Variants in HIF1A observed in about 807,000 individuals in gnomAD.
HIF1A encodes the protein hypoxia inducible factor 1 subunit alpha.
A neutral mutation model predicts 92.7 loss-of-function variants in HIF1A; 24 were observed. The observed-to-expected ratio is 0.26, with a 90% confidence interval of 0.19 to 0.36. HIF1A has a LOEUF of 0.36. HIF1A is among the 10% of genes least tolerant of loss of function. The pLI, the probability that HIF1A is intolerant of heterozygous loss-of-function variation, is 1.00. For missense variants in HIF1A, 799 were observed against 998.5 expected (o/e 0.80, Z 2.69); for synonymous variants, 319 against 338.7 (o/e 0.94, Z 0.64).
chr14:61,747,180 G>T lies in HIF1A; in HGVS notation c.*95G>T. 1 of 1,086,294 alleles carries T rather than the reference G, an allele frequency of 9.2e-7. No homozygotes were observed. Among genetic ancestry groups the T allele is most frequent in the Non-Finnish European group, 1.3e-6 (1 of 762,082 alleles). The allele number at this position is 1,086,294 out of a possible 1,614,324, so 67.3% of individuals were successfully genotyped here. On this transcript the variant is annotated 3_prime_UTR_variant, in exon 15 of 15. Coordinates refer to ENST00000337138, the MANE Select transcript of HIF1A (RefSeq NM_001530.4). ...TTCTACATCTAATTTTAGAAGCCTG[G>T]CTACAATACTGCACAAACTTGGTTA...
intron 7 of HIF1A, among the ~76,000 whole-genome samples, chr14:61,732,931 A>G (rs913968050): frequency 2.0e-5 from 3 of 152,218 alleles, no homozygotes; most frequent in South Asian, 2.1e-4. Context: ...AAAAATGCTT[A>G]TAAGTGCATA....
chr14:61,744,368 A>G (rs922584234), intron 12 of HIF1A, among the ~76,000 whole-genome samples: 2 of 152,052 alleles, frequency 1.3e-5, no homozygotes, highest in Admixed American at 6.5e-5. Context: ...CTACAAAAAT[A>G]TGTATATATA....
intron 1 of HIF1A, among the ~76,000 whole-genome samples, chr14:61,699,458 G>C (rs2044153457): frequency 5.0e-5 from 1 of 19,904 alleles, no homozygotes; most frequent in Non-Finnish European, 1.5e-4. Flanking sequence ...TCTCTTGACT[G>C]ATTTTTTTTT....
At chr14:61,727,085 T>A (rs776266870) in intron 5 of HIF1A, among the ~76,000 whole-genome samples, 1 of 152,236 alleles carries the variant, frequency 6.6e-6, no homozygotes, top group African/African-American at 2.4e-5. Flanking sequence ...CACACAATAT[T>A]TGAATCCTGA....
intron 9 of HIF1A, among the ~76,000 whole-genome samples, chr14:61,737,436 T>C (rs1345374917): frequency 6.6e-6 from 1 of 152,198 alleles, no homozygotes; most frequent in South Asian, 2.1e-4. Flanking sequence ...GAAGTAGGCA[T>C]TGTTGCATTA....
At chr14:61,704,677 A>G (rs1454304794) in intron 1 of HIF1A, among the ~76,000 whole-genome samples, 24 of 152,186 alleles carry the variant, frequency 1.6e-4, no homozygotes, top group Admixed American at 1.5e-3. Flanking sequence ...TTCTTGAATA[A>G]TTTAAGTTGA....
chr14:61,710,380 T>C (rs970869847), intron 1 of HIF1A, among the ~76,000 whole-genome samples: 2 of 152,194 alleles, frequency 1.3e-5, no homozygotes, highest in Admixed American at 6.5e-5. Flanking sequence ...GTTTTGTTTA[T>C]TGCACCGTGT....
chr14:61,736,192 C>T (rs2044635228), intron 8 of HIF1A, among the ~76,000 whole-genome samples: 1 of 151,992 alleles, frequency 6.6e-6, no homozygotes, highest in South Asian at 2.1e-4. Context: ...GTTGGCCAGG[C>T]TCTTGAACTC....
chr14:61,726,829 A>C lies in HIF1A; in HGVS notation c.570+11A>C. 7.1e-7 allele frequency: 1 copy of C among 1,401,814 alleles called. No homozygotes were observed. The highest frequency in any genetic ancestry group is 2.3e-5 in the East Asian group (1 of 43,558). The allele number at this position is 1,401,814 out of a possible 1,614,324, so 86.8% of individuals were successfully genotyped here. A position where few individuals can be genotyped will look rare whatever the true frequency, so the allele number is the denominator to read the frequency against. On this transcript the variant is annotated intron_variant, in intron 5 of 14. Coordinates refer to ENST00000337138, the MANE Select transcript of HIF1A (RefSeq NM_001530.4). ...TCTGCAACATGGAAGGTAAGTGAAA[A>C]TTATTTGTGATTGATTATACACTTT... is the stretch of plus-strand genomic sequence containing the variant.
At chr14:61,717,225 A>C (rs1271987290) in intron 1 of HIF1A, among the ~76,000 whole-genome samples, 2 of 152,184 alleles carry the variant, frequency 1.3e-5, no homozygotes, top group African/African-American at 4.8e-5. Flanking sequence ...CTGTGGTATA[A>C]AACTGATAAA....
In HIF1A at chr14:61,697,942, G is replaced by A. The variant is rs2044135020; in HGVS notation, c.35+2103G>A. On this transcript the variant is annotated intron_variant, in intron 1 of 14. Transcript: ENST00000337138. ...AAACCTGAAGAATTGGAAGAAATCA[G>A]AATAGAAAATGGGTATGGTTATGAT... 6 of 1,511,802 alleles carry A rather than the reference G, an allele frequency of 4.0e-6. No individual in the cohort carries two copies. In the African/African-American group the frequency reaches 8.4e-5, roughly 21 times the overall value. 93.6% of individuals were successfully genotyped at this position (1,511,802 alleles called of 1,614,324 possible).
rs2044647657 is a variant in HIF1A at position 61,737,183 on chromosome 14, T to C, written c.1249+74T>C. 19 of 1,014,552 alleles carry C rather than the reference T, an allele frequency of 1.9e-5. No individual in the cohort carries two copies. The South Asian group carries it at 2.5e-4, about 13-fold the overall frequency. The allele number at this position is 1,014,552 out of a possible 1,614,324, so 62.8% of individuals were successfully genotyped here. A position where few individuals can be genotyped will look rare whatever the true frequency, so the allele number is the denominator to read the frequency against. ...GCCCCATTTCAACTAAACATTACTT[T>C]ACGGTTTTTGTTGGTAATCATTTGG... On this transcript the variant is annotated intron_variant, in intron 9 of 14. Transcript: ENST00000337138.
chr14:61,742,630 A>C (rs2044726087), intron 12 of HIF1A, among the ~76,000 whole-genome samples: 1 of 152,096 alleles, frequency 6.6e-6, no homozygotes, highest in African/African-American at 2.4e-5. Context: ...TCATCACTGT[A>C]ATCTCAGCAC....
In HIF1A at chr14:61,738,380, G is replaced by A; in HGVS notation, c.1536+7G>A. The A allele has an allele frequency of 6.3e-7, 1 of 1,576,834 alleles. No individual in the cohort carries two copies. The highest frequency in any genetic ancestry group is 8.6e-7 in the Non-Finnish European group (1 of 1,162,492). ...TAGACAAAGTTCACCTGAGGTAGGT[G>A]TCATGATATAATCAGAAAGGGACAA... On this transcript the variant is annotated splice_region_variant and intron_variant, in intron 10 of 14. Transcript: ENST00000337138.
intron 1 of HIF1A, 23 bp from the exon 2 acceptor site, chr14:61,720,359 T>C: frequency 6.4e-7 from 1 of 1,572,226 alleles, no homozygotes; most frequent in Non-Finnish European, 8.6e-7. Flanking sequence ...CCATCTCGTG[T>C]TTTTCTTGTT....
chr14:61,725,339 T>A (rs1282383963), intron 4 of HIF1A, among the ~76,000 whole-genome samples: 1 of 152,216 alleles, frequency 6.6e-6, no homozygotes, highest in East Asian at 1.9e-4. Flanking sequence ...AGGTTCTGAA[T>A]AATAAATATT....
chr14:61,733,015 C>T (rs1463833471), intron 7 of HIF1A, among the ~76,000 whole-genome samples: 1 of 152,126 alleles, frequency 6.6e-6, no homozygotes, highest in Non-Finnish European at 1.5e-5. Context: ...AAATGGAGTA[C>T]CTATCACCTC....
chr14:61,743,837 A>C (rs1435399770), intron 12 of HIF1A, among the ~76,000 whole-genome samples: 1 of 152,228 alleles, frequency 6.6e-6, no homozygotes, highest in Non-Finnish European at 1.5e-5. Context: ...AAAATAGCAT[A>C]GTGGGAAGAG....
In HIF1A at chr14:61,696,044, G is replaced by A. The variant is rs150526501; in HGVS notation, c.35+205G>A. Among the ~76,000 whole-genome samples, 27 of 152,314 alleles carry A rather than the reference G, an allele frequency of 1.8e-4. No homozygotes were observed. In the East Asian group the frequency reaches 5.2e-3, roughly 29 times the overall value. On this transcript the variant is annotated intron_variant, in intron 1 of 14. Coordinates refer to ENST00000337138, the MANE Select transcript of HIF1A (RefSeq NM_001530.4). ...ACGTCGCCATCTTGTCGTGGGGGGTGGGAGACGCCTCGAAAGTGCTTTCAG... is the reference window on the plus strand; with the variant it reads ...ACGTCGCCATCTTGTCGTGGGGGGTAGGAGACGCCTCGAAAGTGCTTTCAG...
Sources: gnomAD v4.1 joint callset for allele counts (sites outside exome capture counted in the v4.1 genomes callset) on GRCh38, gnomAD v4.1.1 for gene constraint, MANE v1.5 for transcripts, NCBI Gene and HGNC (gene_info 2026-07-23, HGNC 2026-07-21) for gene names.